UNC80: variants seen among roughly 807,000 people sequenced by gnomAD.
UNC80 encodes the protein unc-80 subunit of NALCN channel complex.
In UNC80, 164 loss-of-function variants were observed where a neutral mutation model predicts 384.6. The observed-to-expected ratio is 0.43, with a 90% CI of 0.38 to 0.49. UNC80 has a LOEUF of 0.49. Among genes scored for constraint, UNC80 ranks in the 20% least tolerant of loss-of-function variants. The pLI is 0.00. For synonymous variants in UNC80, 1,486 were observed against 1,527.8 expected (o/e 0.97, Z 0.64); for missense variants, 3,330 against 4,143.0 (o/e 0.80, Z 5.39).
chr2:209,818,930 A>G (rs1420100872), intron 11 of UNC80, 63 bp from the exon 12 acceptor site: 1 of 1,489,934 alleles, frequency 6.7e-7, no homozygotes, highest in African/African-American at 1.4e-5. Context: ...TAATAGTATA[A>G]CTGTCTAACT....
chr2:209,863,170 T>C (rs1367523697), intron 22 of UNC80, among the ~76,000 whole-genome samples: 1 of 152,196 alleles, frequency 6.6e-6, no homozygotes, highest in African/African-American at 2.4e-5. Context: ...CCCCAATCTC[T>C]TCCGGCTTGT....
chr2:209,885,604 TACATTTATAGA>T (rs960912957), intron 25 of UNC80, among the ~76,000 whole-genome samples: 3 of 152,180 alleles, frequency 2.0e-5, no homozygotes, highest in Non-Finnish European at 4.4e-5. Flanking sequence ...GGGAAGCACT[TACATTTATAGA>T]ATATTCTTGA....
chr2:209,809,952 C>A (rs2079210278), intron 7 of UNC80, among the ~76,000 whole-genome samples: 1 of 152,174 alleles, frequency 6.6e-6, no homozygotes, highest in African/African-American at 2.4e-5. Context: ...AGCTGACAGA[C>A]AGTGTCCACC....
Position 209,994,048 on chromosome 2 carries a change from T to C in UNC80, c.9509-17T>C. 1 of 1,539,722 alleles carries C rather than the reference T, an allele frequency of 6.5e-7. No individual in the cohort carries two copies. The highest frequency in any genetic ancestry group is 8.8e-7 in the Non-Finnish European group (1 of 1,140,470). ...CACCAACTCCTCCCCAATTTACTGT[T>C]TCACCTCTACCTGCAGCGGATCAGA... is the stretch of plus-strand genomic sequence containing the variant. On this transcript the variant is annotated splice_polypyrimidine_tract_variant and intron_variant, in intron 63 of 64. Coordinates refer to ENST00000673920, the MANE Select transcript of UNC80 (RefSeq NM_001371986.1).
At chr2:209,835,347 T>C (rs1228326819) in intron 18 of UNC80, among the ~76,000 whole-genome samples, 1 of 152,226 alleles carries the variant, frequency 6.6e-6, no homozygotes, top group Non-Finnish European at 1.5e-5. Context: ...AAATCACTTA[T>C]AATTTTTTAA....
At position 209,922,099 on chromosome 2, in the gene UNC80, T is replaced by C. The variant is rs560917965; in HGVS notation, c.5531-153T>C. Among the ~76,000 whole-genome samples, 53 of 152,360 alleles carry C rather than the reference T, an allele frequency of 3.5e-4. No individual in the cohort carries two copies. In the East Asian group the frequency reaches 9.6e-3, roughly 28 times the overall value. On this transcript the variant is annotated intron_variant, in intron 34 of 64. Coordinates refer to ENST00000673920, the MANE Select transcript of UNC80 (RefSeq NM_001371986.1). ...TTTCTGTCTTTCCTCTGTAGGGCTTTTTTAATTTTTATTTTTCCTTTTCTA... is the reference window on the plus strand; with the variant it reads ...TTTCTGTCTTTCCTCTGTAGGGCTTCTTTAATTTTTATTTTTCCTTTTCTA...
chr2:209,838,702 C>G (rs928938391), intron 18 of UNC80, among the ~76,000 whole-genome samples: 3 of 152,228 alleles, frequency 2.0e-5, no homozygotes, highest in Middle Eastern at 3.4e-3. Context: ...TGGCTCATGC[C>G]TGTAATCCCA....
chr2:209,982,331 G>C lies in UNC80; in HGVS notation c.9257+14G>C, dbSNP rs1400178679. 19 of 1,547,680 alleles carry C rather than the reference G, an allele frequency of 1.2e-5. No individual in the cohort carries two copies. The Admixed American group carries it at 3.8e-4, about 31-fold the overall frequency. ...ACCCAGCCAGAGGTAAACAGCTATG[G>C]TTATACTGTACTCTGCATTTGGGGG... On this transcript the variant is annotated intron_variant, in intron 60 of 64. Coordinates refer to ENST00000673920, the MANE Select transcript of UNC80 (RefSeq NM_001371986.1).
chr2:209,992,345 C>A, intron 62 of UNC80, 98 bp downstream of exon 62: 3 of 1,184,774 alleles, frequency 2.5e-6, no homozygotes, highest in Non-Finnish European at 3.6e-6. Context: ...TGCTGCTGGA[C>A]GTGCCCGGAA....
At position 209,813,614 on chromosome 2, in the gene UNC80, C is replaced by T. The variant is rs1346269725; in HGVS notation, c.973C>T (p.Arg325Cys). ...TGTGATACCTCCGTGCCAAAGGTCC[C>T]GCTATGCCACCTACTTTGACGTTGC... is the stretch of plus-strand genomic sequence containing the variant. The part of the protein sequence containing the change: ...SLVIPPCQRS[R>C]YATYFDVAVL... Residue 325 changes from arginine (R) to cysteine (C), a missense_variant, in exon 8 of 65, where the codon CGC becomes TGC. Physicochemically the swap from Arg to Cys is radical, Grantham distance 180. This residue lies in a region of UNC80 where 937 missense variants were observed against 1,026.8 expected (regional missense o/e 0.91). Coordinates refer to ENST00000673920, the MANE Select transcript of UNC80 (RefSeq NM_001371986.1). The T allele has an allele frequency of 1.3e-5, 20 of 1,551,696 alleles. No homozygotes were observed. Among genetic ancestry groups the T allele is most frequent in the Middle Eastern group, 1.7e-4 (1 of 5,974 alleles).
intron 22 of UNC80, among the ~76,000 whole-genome samples, chr2:209,855,658 A>G (rs2082856638): frequency 6.6e-6 from 1 of 151,928 alleles, no homozygotes; most frequent in Admixed American, 6.6e-5. Context: ...CTTGTGCTTT[A>G]TTTTACCACA....
rs1485214956 is a variant in UNC80, at chr2:209,998,882, T to C, written c.*3287T>C. On this transcript the variant is annotated 3_prime_UTR_variant, in exon 65 of 65. Transcript: ENST00000673920. ...TAAAAAATCCCACTTCTTTTTACTTTAGTGGGTCTCAACTGCAGCATTTCA... is the reference window on the plus strand; with the variant it reads ...TAAAAAATCCCACTTCTTTTTACTTCAGTGGGTCTCAACTGCAGCATTTCA... 6.6e-6 allele frequency: 1 copy of C among 152,220 alleles called. No individual in the cohort carries two copies. Among genetic ancestry groups the C allele is most frequent in the African/African-American group, 2.4e-5 (1 of 41,460 alleles). 9.4% of individuals were successfully genotyped at this position (152,220 alleles called of 1,614,324 possible).
rs373311312 is a variant in UNC80 at position 209,805,743 on chromosome 2, T to C, written c.939-7837T>C. ...ACCTAATCTTCTATAACCTAATCTT[T>C]TATAACCTAATCTTTTATAACCTAA... On this transcript the variant is annotated intron_variant, in intron 7 of 64. Coordinates refer to ENST00000673920, the MANE Select transcript of UNC80 (RefSeq NM_001371986.1). Among the ~76,000 whole-genome samples the C allele has an allele frequency of 1.3e-4, 20 of 152,068 alleles. 1 individual carries two copies. Among genetic ancestry groups the C allele is most frequent in the South Asian group, 8.3e-4 (4 of 4,802 alleles).
chr2:209,978,452 A>T, intron 58 of UNC80, 77 bp from the exon 59 acceptor site: 1 of 1,256,376 alleles, frequency 8.0e-7, no homozygotes, highest in East Asian at 2.7e-5. Context: ...TAAAAAATAC[A>T]AGTGGTCAGG....
At chr2:209,809,310 C>A in intron 7 of UNC80, 1 of 763,172 alleles carries the variant, frequency 1.3e-6, no homozygotes. Context: ...ACATCCGAAG[C>A]CACACGCTGC....
chr2:209,894,383 G>T lies in UNC80; in HGVS notation c.4480+17G>T, dbSNP rs1289821453. 4 of 984,424 alleles carry T rather than the reference G, an allele frequency of 4.1e-6. No homozygotes were observed. The highest frequency in any genetic ancestry group is 4.8e-6 in the Non-Finnish European group (4 of 829,086). The allele number at this position is 984,424 out of a possible 1,614,324, so 61.0% of individuals were successfully genotyped here. On this transcript the variant is annotated intron_variant, in intron 27 of 64. Transcript: ENST00000673920. ...CTGACCTAGGTAACATAGAGGAGTG[G>T]GGTGTGCAGGGACGTGGGGGGTAGG... is the stretch of plus-strand genomic sequence containing the variant.
rs1047907684 is a variant in UNC80 at position 209,916,152 on chromosome 2, T to C, written c.5030-1625T>C. 3.9e-5 allele frequency among the ~76,000 whole-genome samples: 6 copies of C among 152,126 alleles called. No homozygotes were observed. The Middle Eastern group carries it at 0.01, about 259-fold the overall frequency. ...GTTAGAGGTAAACATGGGGAACAAG[T>C]TGGTATACATGGCAGCTGAAATAGT... On this transcript the variant is annotated intron_variant, in intron 31 of 64. Coordinates refer to ENST00000673920, the MANE Select transcript of UNC80 (RefSeq NM_001371986.1).
intron 22 of UNC80, among the ~76,000 whole-genome samples, chr2:209,859,759 G>A (rs1291508373): frequency 2.6e-5 from 4 of 152,104 alleles, no homozygotes; most frequent in Admixed American, 6.5e-5. Context: ...TTGTGTTTCC[G>A]ATTTGCATTT....
chr2:209,837,917 G>A (rs1002025880), intron 18 of UNC80, among the ~76,000 whole-genome samples: 23 of 151,830 alleles, frequency 1.5e-4, no homozygotes, highest in Non-Finnish European at 2.8e-4. Flanking sequence ...GACTACAGGC[G>A]CCCGCCACCG....
Sources: gnomAD v4.1 joint callset for allele counts (sites outside exome capture counted in the v4.1 genomes callset) on GRCh38, gnomAD v4.1.1 for gene constraint, gnomAD v4.1.1 regional missense constraint, MANE v1.5 for transcripts, NCBI Gene and HGNC (gene_info 2026-07-23, HGNC 2026-07-21) for gene names.